The following FHIT variants were observed in gnomAD, a reference collection of about 807,000 sequenced individuals.
FHIT encodes the protein bis(5'-adenosyl)-triphosphatase.
Under a neutral mutation model 17.9 loss-of-function variants are expected in FHIT, and 19 were observed. That is an observed-to-expected ratio of 1.06 (90% CI 0.74 to 1.56). The LOEUF (loss-of-function observed/expected upper bound fraction) is 1.56. FHIT is among the 40% of genes most tolerant of loss of function. The pLI, the probability that FHIT is intolerant of heterozygous loss-of-function variation, is 0.00. For synonymous variants in FHIT, 81 were observed against 69.7 expected (o/e 1.16, Z -0.81); for missense variants, 248 against 189.2 (o/e 1.31, Z -1.82).
intron 5 of FHIT, among the ~76,000 whole-genome samples, chr3:60,022,366 G>A (rs1161169703): frequency 6.6e-6 from 1 of 152,220 alleles, no homozygotes; most frequent in Non-Finnish European, 1.5e-5. Flanking sequence ...GCATATGGTA[G>A]GCCTTCTGGA....
intron 5 of FHIT, among the ~76,000 whole-genome samples, chr3:60,259,421 A>G (rs1402104342): frequency 6.6e-6 from 1 of 152,180 alleles, no homozygotes; most frequent in East Asian, 1.9e-4. Context: ...AAGGAAGAAG[A>G]TGAGTAGTGG....
Position 60,895,670 on chromosome 3 carries a change from CTTTCTTTCTTTCTTTCTTTCTTT to C in FHIT, c.-110-73682_-110-73660del, listed in dbSNP as rs1705762059. Among the ~76,000 whole-genome samples, 119 of 29,946 alleles carry C rather than the reference CTTTCTTTCTTTCTTTCTTTCTTT, an allele frequency of 4.0e-3. 1 individual carries two copies. Among genetic ancestry groups the C allele is most frequent in the African/African-American group, 6.1e-3 (89 of 14,704 alleles). 19.6% of individuals were successfully genotyped at this position (29,946 alleles called of 152,430 possible). On this transcript the variant is annotated intron_variant, in intron 3 of 9. Coordinates refer to ENST00000492590, the MANE Select transcript of FHIT (RefSeq NM_002012.4). ...CTTTCCCTCCTTCCTTCCTTCCTTT[CTTTCTTTCTTTCTTTCTTTCTTT>C]CTTTCTTTCTTTCTTTCTTTCTTTC...
intron 5 of FHIT, among the ~76,000 whole-genome samples, chr3:60,521,493 C>G (rs533750731): frequency 6.6e-6 from 1 of 152,116 alleles, no homozygotes; most frequent in African/African-American, 2.4e-5. Flanking sequence ...GTGATCCGCC[C>G]ACCTCGGCCT....
chr3:60,183,429 A>C (rs1012554541), intron 5 of FHIT, among the ~76,000 whole-genome samples: 4 of 152,104 alleles, frequency 2.6e-5, no homozygotes, highest in Non-Finnish European at 5.9e-5. Context: ...AACAAACAAA[A>C]AAATAAAAGT....
At chr3:60,982,657 G>A (rs1710545573) in intron 3 of FHIT, among the ~76,000 whole-genome samples, 1 of 152,108 alleles carries the variant, frequency 6.6e-6, no homozygotes, top group Admixed American at 6.6e-5. Context: ...GTCTCACTCT[G>A]TTATTCTCTG....
intron 4 of FHIT, among the ~76,000 whole-genome samples, chr3:60,604,727 C>T (rs1421409897): frequency 6.6e-6 from 1 of 152,164 alleles, no homozygotes; most frequent in East Asian, 1.9e-4. Flanking sequence ...TGATCAGCCA[C>T]AGGAAGAAAA....
chr3:60,251,063 A>T (rs1705684221), intron 5 of FHIT, among the ~76,000 whole-genome samples: 1 of 152,192 alleles, frequency 6.6e-6, no homozygotes, highest in South Asian at 2.1e-4. Flanking sequence ...GGGTTTTCAC[A>T]TATGCTTCCC....
intron 5 of FHIT, among the ~76,000 whole-genome samples, chr3:60,232,469 C>T (rs965140856): frequency 6.6e-6 from 1 of 152,106 alleles, no homozygotes; most frequent in African/African-American, 2.4e-5. Context: ...TCATTTGTCT[C>T]CTCTTTTTCT....
intron 5 of FHIT, among the ~76,000 whole-genome samples, chr3:60,060,994 T>C (rs1702272621): frequency 6.6e-6 from 1 of 152,198 alleles, no homozygotes; most frequent in Admixed American, 6.5e-5. Context: ...GGAAGGACTT[T>C]GTTTATAGTG....
At chr3:60,856,959 C>T (rs1703411468) in intron 3 of FHIT, among the ~76,000 whole-genome samples, 1 of 152,150 alleles carries the variant, frequency 6.6e-6, no homozygotes, top group African/African-American at 2.4e-5. Context: ...CACTCCAAAA[C>T]CAGGTTACCT....
At chr3:60,586,183 A>G (rs146497992) in intron 4 of FHIT, among the ~76,000 whole-genome samples, 2 of 152,048 alleles carry the variant, frequency 1.3e-5, no homozygotes, top group East Asian at 3.9e-4. Context: ...TGAGCAATAG[A>G]AACTGCTGAG....
chr3:60,889,459 T>G (rs1176491220), intron 3 of FHIT, among the ~76,000 whole-genome samples: 6 of 152,224 alleles, frequency 3.9e-5, no homozygotes, highest in African/African-American at 1.4e-4. Flanking sequence ...TAACAACCAC[T>G]TTGACATTCA....
In FHIT at chr3:61,006,539, G is replaced by A. The variant is rs182582555; in HGVS notation, c.-111+35508C>T. On this transcript the variant is annotated intron_variant, in intron 3 of 9. Coordinates refer to ENST00000492590, the MANE Select transcript of FHIT (RefSeq NM_002012.4). ...CTTTTATGTATAAAATTTCCTTTCT[G>A]AAAAAAAAGTATGAAAAATCAAAAG... is the stretch of plus-strand genomic sequence containing the variant. Among the ~76,000 whole-genome samples, 281 of 147,538 alleles carry A rather than the reference G, an allele frequency of 1.9e-3. 3 individuals are homozygous for A. The highest frequency in any genetic ancestry group is 0.014 in the Middle Eastern group (4 of 280).
At chr3:60,315,214 C>T (rs1709112812) in intron 5 of FHIT, among the ~76,000 whole-genome samples, 1 of 152,124 alleles carries the variant, frequency 6.6e-6, no homozygotes, top group Admixed American at 6.6e-5. Context: ...GAATCTCTCA[C>T]CCACAACCTT....
chr3:59,832,935 C>G (rs900975307), intron 8 of FHIT, among the ~76,000 whole-genome samples: 4 of 152,186 alleles, frequency 2.6e-5, no homozygotes, highest in Non-Finnish European at 4.4e-5. Flanking sequence ...TGCCTGAAGA[C>G]TTAATGCTAC....
At chr3:60,420,191 C>A (rs921196000) in intron 5 of FHIT, among the ~76,000 whole-genome samples, 3 of 152,098 alleles carry the variant, frequency 2.0e-5, no homozygotes, top group African/African-American at 7.2e-5. Flanking sequence ...TTACTGAAGG[C>A]CATCATGCTT....
chr3:60,472,169 A>G (rs77540748), intron 5 of FHIT, among the ~76,000 whole-genome samples: 1 of 151,554 alleles, frequency 6.6e-6, no homozygotes, highest in Non-Finnish European at 1.5e-5. Context: ...AAAAAAAAAA[A>G]GAGCAAAAAC....
At chr3:60,951,153 A>G (rs1708869664) in intron 3 of FHIT, among the ~76,000 whole-genome samples, 1 of 152,132 alleles carries the variant, frequency 6.6e-6, no homozygotes. Flanking sequence ...CATAGTATGT[A>G]CTGTTTTATC....
intron 5 of FHIT, among the ~76,000 whole-genome samples, chr3:60,124,347 T>G (rs187675858): frequency 1.7e-3 from 258 of 152,180 alleles, no homozygotes; most frequent in African/African-American, 5.9e-3. Context: ...AGCAAGTATC[T>G]GCCCTAAAAC....
Sources: allele counts gnomAD v4.1 joint callset (sites outside exome capture counted in the v4.1 genomes callset), GRCh38; gene constraint gnomAD v4.1.1; transcripts MANE v1.5; gene names NCBI Gene and HGNC (gene_info 2026-07-23, HGNC 2026-07-21).